Variants in RIMBP2 observed in about 807,000 individuals in gnomAD.
The protein encoded by RIMBP2 is RIMS-binding protein 2.
RIMBP2 carries 48 observed loss-of-function variants against 118.6 expected under a neutral mutation model. The observed-to-expected ratio is 0.40, with a 90% confidence interval of 0.32 to 0.51. The LOEUF is 0.51. Ranked by LOEUF, RIMBP2 falls within the 20% of genes least tolerant of loss-of-function variation. RIMBP2 has a pLI of 0.41. For synonymous variants in RIMBP2, 762 were observed against 742.9 expected (o/e 1.03, Z -0.42); for missense variants, 1,551 against 1,768.3 (o/e 0.88, Z 2.20).
intron 2 of RIMBP2, among the ~76,000 whole-genome samples, chr12:130,580,222 AC>A (rs2058373495): frequency 6.7e-6 from 1 of 150,164 alleles, no homozygotes; most frequent in African/African-American, 2.4e-5. Flanking sequence ...AGTAATATTG[AC>A]CCCATATGGT....
intron 21 of RIMBP2, among the ~76,000 whole-genome samples, chr12:130,404,132 T>C (rs1026556630): frequency 3.9e-5 from 6 of 152,152 alleles, no homozygotes; most frequent in African/African-American, 1.4e-4. Context: ...AATGACAATC[T>C]GTGGGAACCC....
intron 1 of RIMBP2, among the ~76,000 whole-genome samples, chr12:130,634,986 C>CA (rs996764413): frequency 2.6e-5 from 4 of 151,454 alleles, no homozygotes; most frequent in Admixed American, 1.3e-4. Context: ...CCAGAGCACA[C>CA]AAAAAAAAGG....
chr12:130,630,328 AAAATT>A (rs1202301120), intron 1 of RIMBP2, among the ~76,000 whole-genome samples: 1 of 151,440 alleles, frequency 6.6e-6, no homozygotes, highest in Non-Finnish European at 1.5e-5. Flanking sequence ...ATTAATTATA[AAAATT>A]AATATAAAAA....
rs1423066722 is a variant in RIMBP2 at position 130,688,943 on chromosome 12, A to T, written c.-352+27279T>A. Among the ~76,000 whole-genome samples, 2 of 152,268 alleles carry T rather than the reference A, an allele frequency of 1.3e-5. No individual in the cohort carries two copies. Among genetic ancestry groups the T allele is most frequent in the African/African-American group, 4.8e-5 (2 of 41,478 alleles). On this transcript the variant is annotated intron_variant, in intron 1 of 22. Transcript: ENST00000690449. The surrounding 1 kb of genome is among the most constrained non-coding windows in gnomAD (Gnocchi z 4.7). Reference sequence around the variant, plus strand: ...GGAGCGAAGGTCGGTCGCAGGCAGCAGAGAACTGCCCAGTGTGCGCCGATA... The same window carrying T: ...GGAGCGAAGGTCGGTCGCAGGCAGCTGAGAACTGCCCAGTGTGCGCCGATA...
intron 2 of RIMBP2, among the ~76,000 whole-genome samples, chr12:130,569,280 C>G (rs1333737451): frequency 6.6e-6 from 1 of 152,200 alleles, no homozygotes; most frequent in Non-Finnish European, 1.5e-5. Flanking sequence ...GAAGAAACAT[C>G]AGGAGGCAGC....
intron 2 of RIMBP2, among the ~76,000 whole-genome samples, chr12:130,537,113 G>A (rs1197241578): frequency 6.6e-6 from 1 of 152,134 alleles, no homozygotes; most frequent in African/African-American, 2.4e-5. Context: ...GATGCAGTGT[G>A]GTGTCTTGGA....
intron 14 of RIMBP2, chr12:130,428,845 C>T (rs1039888543): frequency 2.0e-5 from 3 of 152,612 alleles, no homozygotes; most frequent in Admixed American, 1.3e-4. Context: ...CGCCTGTAAT[C>T]CCAGCACTTT....
intron 2 of RIMBP2, among the ~76,000 whole-genome samples, chr12:130,551,734 T>G (rs1296677256): frequency 6.6e-6 from 1 of 152,174 alleles, no homozygotes; most frequent in Admixed American, 6.5e-5. Flanking sequence ...AGGGACTCCA[T>G]CTGTAATGTT....
At chr12:130,407,318 C>G (rs1055094501) in intron 20 of RIMBP2, among the ~76,000 whole-genome samples, 2 of 152,216 alleles carry the variant, frequency 1.3e-5, no homozygotes. Context: ...GCGACACAAC[C>G]TCACCTATCA....
At chr12:130,432,955 T>G (rs1246081255) in intron 14 of RIMBP2, among the ~76,000 whole-genome samples, 1 of 152,104 alleles carries the variant, frequency 6.6e-6, no homozygotes, top group Non-Finnish European at 1.5e-5. Context: ...AGATGGCCCC[T>G]AAGGTTAGGG....
At chr12:130,690,566 C>T (rs1281870712) in intron 1 of RIMBP2, among the ~76,000 whole-genome samples, 1 of 152,210 alleles carries the variant, frequency 6.6e-6, no homozygotes. Flanking sequence ...CTGGCCCATG[C>T]ATCCCCTTTT....
intron 2 of RIMBP2, among the ~76,000 whole-genome samples, chr12:130,555,965 C>G (rs867918247): frequency 6.6e-6 from 1 of 152,160 alleles, no homozygotes; most frequent in Non-Finnish European, 1.5e-5. Flanking sequence ...AGGCAGCACC[C>G]GACAGGAACA....
At chr12:130,596,319 G>C (rs569480326) in intron 2 of RIMBP2, among the ~76,000 whole-genome samples, 31 of 152,134 alleles carry the variant, frequency 2.0e-4, no homozygotes, top group Admixed American at 2.0e-3. Flanking sequence ...CACCAAGGGC[G>C]TTACTTTCAT....
intron 2 of RIMBP2, among the ~76,000 whole-genome samples, chr12:130,594,420 C>T (rs921428744): frequency 6.6e-6 from 1 of 152,208 alleles, no homozygotes; most frequent in African/African-American, 2.4e-5. Context: ...TTGCATTGCA[C>T]ATAGAAGAGG....
intron 21 of RIMBP2, among the ~76,000 whole-genome samples, chr12:130,401,026 G>A (rs1426566389): frequency 1.3e-5 from 2 of 152,246 alleles, no homozygotes; most frequent in African/African-American, 4.8e-5. Context: ...TTGCAAGATG[G>A]AAAGAGTTCT....
At chr12:130,495,729 A>G (rs1479207680) in intron 4 of RIMBP2, among the ~76,000 whole-genome samples, 1 of 152,174 alleles carries the variant, frequency 6.6e-6, no homozygotes, top group African/African-American at 2.4e-5. Flanking sequence ...GGTATTAGCA[A>G]TTCTTGATCA....
At chr12:130,412,240 A>C (rs1175338965) in intron 19 of RIMBP2, among the ~76,000 whole-genome samples, 1 of 152,224 alleles carries the variant, frequency 6.6e-6, no homozygotes, top group African/African-American at 2.4e-5. Flanking sequence ...AATGAAAGGC[A>C]TAGCGGCCCC....
intron 4 of RIMBP2, among the ~76,000 whole-genome samples, chr12:130,485,567 G>A (rs2082403861): frequency 6.6e-6 from 1 of 152,226 alleles, no homozygotes; most frequent in Non-Finnish European, 1.5e-5. Context: ...TGCCATTTTG[G>A]CTTAATTCTG....
chr12:130,573,156 C>CA (rs993943967), intron 2 of RIMBP2, among the ~76,000 whole-genome samples: 13 of 151,254 alleles, frequency 8.6e-5, no homozygotes, highest in Non-Finnish European at 1.5e-4. Flanking sequence ...GGCTTCATCC[C>CA]AAAAAAAGGT....
Sources: allele counts gnomAD v4.1 joint callset (sites outside exome capture counted in the v4.1 genomes callset), GRCh38; gene constraint gnomAD v4.1.1; non-coding constraint Gnocchi (gnomAD v3.1); transcripts MANE v1.5; gene names NCBI Gene and HGNC (gene_info 2026-07-23, HGNC 2026-07-21).